Variants in FBL observed in about 807,000 individuals in gnomAD.
FBL encodes the protein rRNA 2'-O-methyltransferase fibrillarin.
A neutral mutation model predicts 42.2 loss-of-function variants in FBL; 10 were observed. The ratio of observed to expected loss-of-function variants is 0.24; its 90% CI spans 0.15 to 0.40. The LOEUF (loss-of-function observed/expected upper bound fraction) is 0.40. FBL is among the 10% of genes least tolerant of loss of function. The probability of loss-of-function intolerance (pLI) is 1.00; values close to 1 mark genes in which losing one functional copy is unlikely to be tolerated. For synonymous variants in FBL, 165 were observed against 165.4 expected, an observed-to-expected ratio of 1.00 and a Z score of 0.02; for missense variants, 351 against 439.2, an observed-to-expected ratio of 0.80 and a Z score of 1.79.
rs757001272 is a variant in FBL, at chr19:39,837,885, C to T, written c.550-42G>A. On this transcript the variant is annotated intron_variant, in intron 5 of 8. Coordinates refer to ENST00000221801, the MANE Select transcript of FBL (RefSeq NM_001436.4). ...ATTAATGAACAGTGATGCTAGTTCT[C>T]ATGCATGGAGTGCCTACTTTAGGCC... The T allele has an allele frequency of 6.3e-6, 10 of 1,584,970 alleles. No homozygotes were observed. In the East Asian group the frequency reaches 2.1e-4, roughly 33 times the overall value.
chr19:39,844,928 G>A (rs1236769647), intron 1 of FBL, among the ~76,000 whole-genome samples: 1 of 152,146 alleles, frequency 6.6e-6, no homozygotes, highest in Non-Finnish European at 1.5e-5. Context: ...ATGGAGGAAG[G>A]TTGGAAGAAC....
rs752364442 is a variant in FBL, at chr19:39,837,751, G to A, written c.642C>T (p.Ile214=). 30 of 1,597,068 alleles carry A rather than the reference G, an allele frequency of 1.9e-5. No homozygotes were observed. Among genetic ancestry groups the A allele is most frequent in the African/African-American group, 2.7e-5 (2 of 73,920 alleles). The change falls in exon 6 of 9, where the codon ATC becomes ATT. Residue 214 remains isoleucine (I), a synonymous_variant. Transcript: ENST00000221801. The part of the protein sequence containing the change: ...AKKRTNIIPV[I]EDARHPHKYR... ...ATTTGTGTGGGTGTCGAGCATCCTC[G>A]ATCACAGGAATGATGTTGGTCCTCT...
At chr19:39,842,232 C>A (rs1333091733) in intron 1 of FBL, among the ~76,000 whole-genome samples, 1 of 151,994 alleles carries the variant, frequency 6.6e-6, no homozygotes, top group Non-Finnish European at 1.5e-5. Flanking sequence ...ACTACAGGCG[C>A]CCACCACCAT....
chr19:39,840,711 G>A lies in FBL; in HGVS notation c.87C>T (p.Gly29=). 1 of 1,582,000 alleles carries A rather than the reference G, an allele frequency of 6.3e-7. No individual in the cohort carries two copies. Among genetic ancestry groups the A allele is most frequent in the Non-Finnish European group, 8.6e-7 (1 of 1,164,620 alleles). The change falls in exon 2 of 9, where the codon GGC becomes GGT. Residue 29 remains glycine, a synonymous_variant. Coordinates refer to ENST00000221801, the MANE Select transcript of FBL (RefSeq NM_001436.4). This position sits in a 1 kb window ranked among gnomAD's most constrained non-coding sequence, Gnocchi z 4.5. ...CGCCTCGACCTCGGCCCCCGCCAAAGCCCCCTCGGCCTCCACGACCACCAC... is the reference window on the plus strand; with the variant it reads ...CGCCTCGACCTCGGCCCCCGCCAAAACCCCCTCGGCCTCCACGACCACCAC... ...GDRGGRGGRG[G]FGGGRGRGGG...
chr19:39,846,357 CG>C lies in FBL; in HGVS notation c.-58del. 6.2e-7 allele frequency: 1 copy of C among 1,605,118 alleles called. No homozygotes were observed. The highest frequency in any genetic ancestry group is 8.5e-7 in the Non-Finnish European group (1 of 1,175,534). ...CGCGGCGTTCACAACTCCACGAGTC[CG>C]GGGCTTTCGCACGTGGAAAAGAGCG... On this transcript the variant is annotated 5_prime_UTR_variant, in exon 1 of 9. Coordinates refer to ENST00000221801, the MANE Select transcript of FBL (RefSeq NM_001436.4).
chr19:39,837,425 A>C (rs1055128330), intron 6 of FBL, among the ~76,000 whole-genome samples: 9 of 152,146 alleles, frequency 5.9e-5, no homozygotes, highest in Admixed American at 5.2e-4. Flanking sequence ...CTTTTTATGG[A>C]GGGGTAGTGT....
At chr19:39,839,933 A>G (rs79358000) in intron 4 of FBL, among the ~76,000 whole-genome samples, 3,724 of 152,082 alleles carry the variant, frequency 0.024, 78 homozygotes, top group Non-Finnish European at 0.033. Context: ...GAGTGGGAAC[A>G]GCAAGGCCAG....
chr19:39,837,372 G>A (rs1174618028), intron 6 of FBL, among the ~76,000 whole-genome samples: 1 of 152,102 alleles, frequency 6.6e-6, no homozygotes, highest in Non-Finnish European at 1.5e-5. Context: ...AGTTTTCTGG[G>A]ATATGCTCTC....
At position 39,840,288 on chromosome 19, in the gene FBL, G is replaced by A. The variant is rs1229792254; in HGVS notation, c.323C>T (p.Thr108Ile). ...TGATTCCCCAGGGACCAGGTTCTTG[G>A]TGACCAGTGCATCTTCCTTTCCTCG... ...ICRGKEDALV[T>I]KNLVPGESVY... Residue 108 changes from threonine (T) to isoleucine (I), a missense_variant, in exon 4 of 9, where the codon ACC becomes ATC. Thr to Ile is a moderately conservative substitution (Grantham distance 89). Coordinates refer to ENST00000221801, the MANE Select transcript of FBL (RefSeq NM_001436.4). The surrounding 1 kb of genome is among the most constrained non-coding windows in gnomAD (Gnocchi z 4.5). 6.2e-7 allele frequency: 1 copy of A among 1,614,098 alleles called. No homozygotes were observed. The highest frequency in any genetic ancestry group is 1.1e-5 in the South Asian group (1 of 91,078).
rs1969261089 is a variant in FBL, at chr19:39,846,283, A to G, written c.10+8T>C. ...GTCCCTGACCCCGGACCCTCACCCC[A>G]GCCTGACCTGGCTTCATGGCGAGCC... On this transcript the variant is annotated splice_region_variant and intron_variant, in intron 1 of 8. Transcript: ENST00000221801. 1.9e-6 allele frequency: 3 copies of G among 1,613,366 alleles called. No homozygotes were observed. Among genetic ancestry groups the G allele is most frequent in the African/African-American group, 1.3e-5 (1 of 74,760 alleles).
At chr19:39,846,040 A>G (rs539658578) in intron 1 of FBL, among the ~76,000 whole-genome samples, 1 of 152,306 alleles carries the variant, frequency 6.6e-6, no homozygotes, top group East Asian at 1.9e-4. Flanking sequence ...GACGGCCTCA[A>G]TGAGACGAAC....
intron 4 of FBL, 25 bp from the exon 5 acceptor site, chr19:39,839,230 T>G: frequency 6.3e-7 from 1 of 1,592,366 alleles, no homozygotes; most frequent in Non-Finnish European, 8.6e-7. Context: ...GGGACAGAAG[T>G]CAGTGCTAGG....
chr19:39,840,674 C>T lies in FBL; in HGVS notation c.124G>A (p.Gly42Ser). 1 of 1,604,956 alleles carries T rather than the reference C, an allele frequency of 6.2e-7. No homozygotes were observed. ...CCTCCACCTCCTCCTCGTCCACGACCTCTAAAGCCTCCGCCTCGACCTCGG... is the reference window on the plus strand; with the variant it reads ...CCTCCACCTCCTCCTCGTCCACGACTTCTAAAGCCTCCGCCTCGACCTCGG... ...GGRGRGGGFRGRGRGGGGGGG... is the reference protein window; with the variant it reads ...GGRGRGGGFRSRGRGGGGGGG... Residue 42 changes from glycine (G) to serine (S), a missense_variant, in exon 2 of 9, where the codon GGT becomes AGT. By Grantham distance (56) the Gly-to-Ser change is moderately conservative (BLOSUM62 0). Transcript: ENST00000221801. This position sits in a 1 kb window ranked among gnomAD's most constrained non-coding sequence, Gnocchi z 4.5.
At position 39,839,151 on chromosome 19, in the gene FBL, C is replaced by G. The variant is rs1389094186; in HGVS notation, c.433G>C (p.Ala145Pro). ...RAWNPFRSKLAAAILGGVDQI... is the reference protein window; with the variant it reads ...RAWNPFRSKLPAAILGGVDQI... ...TCCACACCACCCAGGATTGCTGCTG[C>G]TAGCTTGGAGCGGAAGGGGTTCCAG... The change falls in exon 5 of 9, where the codon GCA (alanine) becomes CCA (proline). Residue 145 changes from alanine (A) to proline (P), a missense_variant. By Grantham distance (27) the Ala-to-Pro change is conservative. Coordinates refer to ENST00000221801, the MANE Select transcript of FBL (RefSeq NM_001436.4). 1 of 1,613,996 alleles carries G rather than the reference C, an allele frequency of 6.2e-7. No homozygotes were observed.
intron 1 of FBL, among the ~76,000 whole-genome samples, chr19:39,842,754 T>C (rs1199998506): frequency 6.6e-6 from 1 of 152,176 alleles, no homozygotes; most frequent in Non-Finnish European, 1.5e-5. Flanking sequence ...AGGCTTTAAA[T>C]TCTGATTTCA....
rs530898124 is a variant in FBL at position 39,840,143 on chromosome 19, C to T, written c.378+90G>A. On this transcript the variant is annotated intron_variant, in intron 4 of 8. Transcript: ENST00000221801. This position sits in a 1 kb window ranked among gnomAD's most constrained non-coding sequence, Gnocchi z 4.5. ...TATTATGACAATCCTCCAGCTGTCA[C>T]GTGCAGGACACATGGTGAGGGCAGA... is the stretch of plus-strand genomic sequence containing the variant. The T allele has an allele frequency of 4.9e-5, 43 of 871,296 alleles. No homozygotes were observed. The highest frequency in any genetic ancestry group is 3.2e-4 in the South Asian group (23 of 71,732). 54.0% of individuals were successfully genotyped at this position (871,296 alleles called of 1,614,324 possible). A position where few individuals can be genotyped will look rare whatever the true frequency, so the allele number is the denominator to read the frequency against.
At chr19:39,834,917 A>G (rs2145051558) in intron 7 of FBL, 104 bp from the exon 8 acceptor site, 1 of 1,237,138 alleles carries the variant, frequency 8.1e-7, no homozygotes, top group Non-Finnish European at 1.1e-6. Context: ...AGTAAAACTC[A>G]GTGCTATGGT....
In FBL at chr19:39,840,365, G is replaced by T; in HGVS notation, c.284-38C>A. ...ATCAGAGCAGGGGTGAGGACCCCCA[G>T]CCTCTCCCTGCCCCGAAGCTCAGCC... is the stretch of plus-strand genomic sequence containing the variant. On this transcript the variant is annotated intron_variant, in intron 3 of 8. Coordinates refer to ENST00000221801, the MANE Select transcript of FBL (RefSeq NM_001436.4). This position sits in a 1 kb window ranked among gnomAD's most constrained non-coding sequence, Gnocchi z 4.5. 3 of 1,606,110 alleles carry T rather than the reference G, an allele frequency of 1.9e-6. No homozygotes were observed. The highest frequency in any genetic ancestry group is 2.2e-5 in the South Asian group (2 of 90,896).
In FBL at chr19:39,842,663, A is replaced by G. The variant is rs572270816; in HGVS notation, c.11-1876T>C. Among the ~76,000 whole-genome samples, 94 of 152,180 alleles carry G rather than the reference A, an allele frequency of 6.2e-4. 1 individual carries two copies. The highest frequency in any genetic ancestry group is 6.8e-3 in the Middle Eastern group (2 of 294). On this transcript the variant is annotated intron_variant, in intron 1 of 8. Coordinates refer to ENST00000221801, the MANE Select transcript of FBL (RefSeq NM_001436.4). Reference sequence around the variant, plus strand: ...TCATGCCCTTGCCCAAATCCCTCCAATGGTTTTCCACCACATCCAAAATGA... The same window carrying G: ...TCATGCCCTTGCCCAAATCCCTCCAGTGGTTTTCCACCACATCCAAAATGA...
Sources: gnomAD v4.1 joint callset for allele counts (sites outside exome capture counted in the v4.1 genomes callset) on GRCh38, gnomAD v4.1.1 for gene constraint, Gnocchi (gnomAD v3.1) non-coding constraint, MANE v1.5 for transcripts, NCBI Gene and HGNC (gene_info 2026-07-23, HGNC 2026-07-21) for gene names.